DVL3: variants seen among roughly 807,000 people sequenced by gnomAD.
DVL3 encodes dishevelled segment polarity protein 3.
Under a neutral mutation model 67.4 loss-of-function variants are expected in DVL3, and 27 were observed. That is an observed-to-expected ratio of 0.40 (90% CI 0.30 to 0.55). The LOEUF (loss-of-function observed/expected upper bound fraction) is 0.55, where lower values mean the gene tolerates loss of function less well. DVL3 is among the 20% of genes least tolerant of loss of function. DVL3 has a pLI of 0.46. For synonymous variants in DVL3, 369 were observed against 396.8 expected, an observed-to-expected ratio of 0.93 and a Z score of 0.83; for missense variants, 819 against 1,021.5, an observed-to-expected ratio of 0.80 and a Z score of 2.70.
In DVL3 at chr3:184,171,450, G is replaced by C. The variant is rs1368087703; in HGVS notation, c.*695G>C. On this transcript the variant is annotated 3_prime_UTR_variant, in exon 15 of 15. Coordinates refer to ENST00000313143, the MANE Select transcript of DVL3 (RefSeq NM_004423.4). ...TACCCCTGCCCCATGCCTGCCCTGC[G>C]TGCTGGTTCCTTCAGACCCCTAACC... The C allele has an allele frequency of 1.0e-6, 1 of 987,248 alleles. No homozygotes were observed. The highest frequency in any genetic ancestry group is 1.2e-6 in the Non-Finnish European group (1 of 831,220). The allele number at this position is 987,248 out of a possible 1,614,324, so 61.2% of individuals were successfully genotyped here. A position where few individuals can be genotyped will look rare whatever the true frequency, so the allele number is the denominator to read the frequency against.
Position 184,167,046 on chromosome 3 carries a change from G to A in DVL3, c.1198+71G>A. On this transcript the variant is annotated intron_variant, in intron 11 of 14. Transcript: ENST00000313143. The surrounding 1 kb of genome is among the most constrained non-coding windows in gnomAD (Gnocchi z 4.6). ...TGGGGGGACTGATGAGGGTCCATGTGGAGACTCTTGCTTGAGCATCAGAGA... is the reference window on the plus strand; with the variant it reads ...TGGGGGGACTGATGAGGGTCCATGTAGAGACTCTTGCTTGAGCATCAGAGA... 6.4e-7 allele frequency: 1 copy of A among 1,557,152 alleles called. No individual in the cohort carries two copies. Among genetic ancestry groups the A allele is most frequent in the Admixed American group, 1.8e-5 (1 of 56,236 alleles).
chr3:184,164,606 A>C lies in DVL3; in HGVS notation c.463+5A>C. 6.4e-7 allele frequency: 1 copy of C among 1,550,872 alleles called. No homozygotes were observed. Among genetic ancestry groups the C allele is most frequent in the Non-Finnish European group, 8.7e-7 (1 of 1,147,296 alleles). ...GGAGGGATGGCCCAGAGCATGGTATATCTTCCTGAACACGGACACTGTCCG... is the reference window on the plus strand; with the variant it reads ...GGAGGGATGGCCCAGAGCATGGTATCTCTTCCTGAACACGGACACTGTCCG... On this transcript the variant is annotated splice_donor_5th_base_variant and intron_variant, in intron 4 of 14. Coordinates refer to ENST00000313143, the MANE Select transcript of DVL3 (RefSeq NM_004423.4). This position sits in a 1 kb window ranked among gnomAD's most constrained non-coding sequence, Gnocchi z 5.3.
In DVL3 at chr3:184,170,488, G is replaced by A. The variant is rs368411353; in HGVS notation, c.1884G>A (p.Ala628=). ...ERAPSERSGP[A]ASEHSHRSHH... ...CGCCCAGCGAGCGCTCAGGGCCGGC[G>A]GCCAGCGAGCACAGCCACCGCAGCC... is the stretch of plus-strand genomic sequence containing the variant. Residue 628 remains alanine, a synonymous_variant, in exon 15 of 15, where the codon GCG becomes GCA. Transcript: ENST00000313143. The surrounding 1 kb of genome is among the most constrained non-coding windows in gnomAD (Gnocchi z 6.5). 162 of 1,595,634 alleles carry A rather than the reference G, an allele frequency of 1.0e-4. No individual in the cohort carries two copies. The highest frequency in any genetic ancestry group is 1.3e-4 in the Non-Finnish European group (154 of 1,171,310).
Position 184,167,079 on chromosome 3 carries a change from A to C in DVL3, c.1198+104A>C. The C allele has an allele frequency of 7.0e-7, 1 of 1,430,728 alleles. No homozygotes were observed. Among genetic ancestry groups the C allele is most frequent in the African/African-American group, 1.4e-5 (1 of 70,826 alleles). 88.6% of individuals were successfully genotyped at this position (1,430,728 alleles called of 1,614,324 possible). A position where few individuals can be genotyped will look rare whatever the true frequency, so the allele number is the denominator to read the frequency against. On this transcript the variant is annotated intron_variant, in intron 11 of 14. Transcript: ENST00000313143. The surrounding 1 kb of genome is among the most constrained non-coding windows in gnomAD (Gnocchi z 4.6). Reference sequence around the variant, plus strand: ...TTGCTTGAGCATCAGAGAGGGCTGGAGATGGGGCTCGGCTCATTCCAGCAA... The same window carrying C: ...TTGCTTGAGCATCAGAGAGGGCTGGCGATGGGGCTCGGCTCATTCCAGCAA...
rs1409440675 is a variant in DVL3 at position 184,164,042 on chromosome 3, T to G, written c.232-225T>G. Among the ~76,000 whole-genome samples the G allele has an allele frequency of 1.3e-5, 2 of 151,978 alleles. No individual in the cohort carries two copies. Among genetic ancestry groups the G allele is most frequent in the African/African-American group, 4.8e-5 (2 of 41,358 alleles). ...TTAGACCTCTGAGCCTTGTTCTTTG[T>G]CCCCATTCCACTTCACCACCCCATG... On this transcript the variant is annotated intron_variant, in intron 2 of 14. Coordinates refer to ENST00000313143, the MANE Select transcript of DVL3 (RefSeq NM_004423.4). This position sits in a 1 kb window ranked among gnomAD's most constrained non-coding sequence, Gnocchi z 5.3.
At position 184,170,942 on chromosome 3, in the gene DVL3, C is replaced by G; in HGVS notation, c.*187C>G. ...CACCTACCGATTGGCTCTGCAGCCC[C>G]CTAACCTGCCTCTGGCCCCAGTTCG... On this transcript the variant is annotated 3_prime_UTR_variant, in exon 15 of 15. Coordinates refer to ENST00000313143, the MANE Select transcript of DVL3 (RefSeq NM_004423.4). This position sits in a 1 kb window ranked among gnomAD's most constrained non-coding sequence, Gnocchi z 6.5. 1 of 1,534,758 alleles carries G rather than the reference C, an allele frequency of 6.5e-7. No individual in the cohort carries two copies. The highest frequency in any genetic ancestry group is 8.7e-7 in the Non-Finnish European group (1 of 1,143,398).
In DVL3 at chr3:184,164,387, C is replaced by G; in HGVS notation, c.352C>G (p.His118Asp). The G allele has an allele frequency of 1.2e-6, 2 of 1,613,544 alleles. No homozygotes were observed. Among genetic ancestry groups the G allele is most frequent in the Non-Finnish European group, 1.7e-6 (2 of 1,179,690 alleles). The change falls in exon 3 of 15, where the codon CAC becomes GAC. Residue 118 changes from histidine to aspartate, a missense_variant and splice_region_variant. This residue lies in a region of DVL3 where 385 missense variants were observed against 486.8 expected (regional missense o/e 0.79). Transcript: ENST00000313143. This position sits in a 1 kb window ranked among gnomAD's most constrained non-coding sequence, Gnocchi z 5.3. ...GIGDSRPPSF[H>D]PHAGGGSQEN... ...CGGGGACTCCCGACCCCCATCCTTC[C>G]AGTGAGTGTGACCTGAGGGTGGGGA...
chr3:184,170,419 G>A lies in DVL3; in HGVS notation c.1815G>A (p.Ser605=), dbSNP rs780866357. 1.9e-6 allele frequency: 3 copies of A among 1,598,980 alleles called. No individual in the cohort carries two copies. The highest frequency in any genetic ancestry group is 2.2e-5 in the South Asian group (2 of 89,276). ...DSKSGGSGSE[S]DHTTRSSLRG... is the part of the protein sequence containing the mutation. Reference sequence around the variant, plus strand: ...AGTCCGGGGGCAGCGGCAGCGAATCGGACCACACCACACGCAGCAGCCTGC... The same window carrying A: ...AGTCCGGGGGCAGCGGCAGCGAATCAGACCACACCACACGCAGCAGCCTGC... Residue 605 remains serine, a synonymous_variant, in exon 15 of 15, where the codon TCG becomes TCA. Transcript: ENST00000313143. The surrounding 1 kb of genome is among the most constrained non-coding windows in gnomAD (Gnocchi z 6.5).
In DVL3 at chr3:184,170,116, C is replaced by T; in HGVS notation, c.1609C>T (p.Pro537Ser). 1 of 1,613,972 alleles carries T rather than the reference C, an allele frequency of 6.2e-7. No individual in the cohort carries two copies. Among genetic ancestry groups the T allele is most frequent in the Non-Finnish European group, 8.5e-7 (1 of 1,180,004 alleles). Residue 537 changes from proline to serine, a missense_variant, in exon 14 of 15, where the codon CCG (proline) becomes TCG (serine). Pro to Ser is a moderately conservative substitution (Grantham distance 74). Around this residue, in one of 3 missense-constraint regions of DVL3, gnomAD observed 324 missense variants for 331.3 expected, o/e 0.98. Transcript: ENST00000313143. The surrounding 1 kb of genome is among the most constrained non-coding windows in gnomAD (Gnocchi z 6.5). ...PGAAPWPMAF[P>S]YQYPPPPHPY... The stretch of plus-strand genomic sequence containing the variant: ...GGCCGCCCCTTGGCCCATGGCTTTC[C>T]CGTACCAGTACCCGCCACCCCCGCA...
chr3:184,166,381 C>T lies in DVL3; in HGVS notation c.904-65C>T, dbSNP rs776395430. On this transcript the variant is annotated intron_variant, in intron 8 of 14. Coordinates refer to ENST00000313143, the MANE Select transcript of DVL3 (RefSeq NM_004423.4). The surrounding 1 kb of genome is among the most constrained non-coding windows in gnomAD (Gnocchi z 6.7). ...GTTGGGGGAAGACTCCCTGACCTAC[C>T]AAGTTGAGTTCCCTTTTCATCCTCC... is the stretch of plus-strand genomic sequence containing the variant. 103 of 1,610,912 alleles carry T rather than the reference C, an allele frequency of 6.4e-5. 1 individual carries two copies. The highest frequency in any genetic ancestry group is 3.3e-4 in the Middle Eastern group (2 of 6,074).
Position 184,163,690 on chromosome 3 carries a change from C to T in DVL3, c.195C>T (p.Ala65=). 1 of 1,613,912 alleles carries T rather than the reference C, an allele frequency of 6.2e-7. No homozygotes were observed. The highest frequency in any genetic ancestry group is 8.5e-7 in the Non-Finnish European group (1 of 1,179,976). ...AGGAGGAGATCTCGGATGACAATGC[C>T]AAGCTACCATGCTTCAATGGCCGGG... is the stretch of plus-strand genomic sequence containing the variant. ...VVKEEISDDN[A]KLPCFNGRVV... Residue 65 remains alanine (A), a synonymous_variant, in exon 2 of 15, where the codon GCC becomes GCT. Transcript: ENST00000313143. The surrounding 1 kb of genome is among the most constrained non-coding windows in gnomAD (Gnocchi z 4.5).
chr3:184,157,936 A>G (rs149938748), intron 1 of DVL3, among the ~76,000 whole-genome samples: 14 of 152,358 alleles, frequency 9.2e-5, no homozygotes, highest in Admixed American at 7.8e-4. Flanking sequence ...CACGCCTTTT[A>G]TGCTTAGTGT....
intron 13 of DVL3, among the ~76,000 whole-genome samples, chr3:184,169,266 T>C (rs1394855883): frequency 6.6e-6 from 1 of 152,276 alleles, no homozygotes; most frequent in Non-Finnish European, 1.5e-5. Flanking sequence ...TAGTTTAGGC[T>C]GAGCTGAAGG....
chr3:184,164,922 C>G lies in DVL3; in HGVS notation c.590C>G (p.Ser197Cys). The G allele has an allele frequency of 6.2e-7, 1 of 1,614,174 alleles. No homozygotes were observed. Among genetic ancestry groups the G allele is most frequent in the Non-Finnish European group, 8.5e-7 (1 of 1,180,030 alleles). ...TTCTTTGACTCAGATGAGGATGACT[C>G]CACCAGCAGGTGGGGCTTGAGTTTC... ...TSFFDSDEDDSTSRFSSSTEQ... is the reference protein window; with the variant it reads ...TSFFDSDEDDCTSRFSSSTEQ... Residue 197 changes from serine to cysteine, a missense_variant, in exon 5 of 15, where the codon TCC becomes TGC. Physicochemically the swap from Ser to Cys is moderately radical, Grantham distance 112 (BLOSUM62 -1). Around this residue, in one of 3 missense-constraint regions of DVL3, gnomAD observed 385 missense variants for 486.8 expected, o/e 0.79. Coordinates refer to ENST00000313143, the MANE Select transcript of DVL3 (RefSeq NM_004423.4). This position sits in a 1 kb window ranked among gnomAD's most constrained non-coding sequence, Gnocchi z 5.3.
In DVL3 at chr3:184,173,357, C is replaced by T. The variant is rs1047836374; in HGVS notation, c.*2602C>T. ...TTTGGCCCTCCCTCTCCCCTCTCTA[C>T]TTTAATTCATTGGAGCATGGGATTT... On this transcript the variant is annotated 3_prime_UTR_variant, in exon 15 of 15. Transcript: ENST00000313143. 2 of 152,244 alleles carry T rather than the reference C, an allele frequency of 1.3e-5. No homozygotes were observed. Among genetic ancestry groups the T allele is most frequent in the Middle Eastern group, 3.2e-3 (1 of 314 alleles). 9.4% of individuals were successfully genotyped at this position (152,244 alleles called of 1,614,324 possible).
Position 184,155,893 on chromosome 3 carries a change from C to G in DVL3, c.161+97C>G. 2.1e-6 allele frequency: 3 copies of G among 1,432,048 alleles called. No homozygotes were observed. The highest frequency in any genetic ancestry group is 1.9e-6 in the Non-Finnish European group (2 of 1,063,414). The allele number at this position is 1,432,048 out of a possible 1,614,324, so 88.7% of individuals were successfully genotyped here. A position where few individuals can be genotyped will look rare whatever the true frequency, so the allele number is the denominator to read the frequency against. ...TCGACTTGCCTCGCTACACCGGCTCCTAGCCCCGCTCTGACTTCTAGGGGC... is the reference window on the plus strand; with the variant it reads ...TCGACTTGCCTCGCTACACCGGCTCGTAGCCCCGCTCTGACTTCTAGGGGC... On this transcript the variant is annotated intron_variant, in intron 1 of 14. Transcript: ENST00000313143. The surrounding 1 kb of genome is among the most constrained non-coding windows in gnomAD (Gnocchi z 5.4).
rs1714592176 is a variant in DVL3 at position 184,166,424 on chromosome 3, C to T, written c.904-22C>T. 1 of 1,613,862 alleles carries T rather than the reference C, an allele frequency of 6.2e-7. No individual in the cohort carries two copies. The highest frequency in any genetic ancestry group is 8.5e-7 in the Non-Finnish European group (1 of 1,179,872). On this transcript the variant is annotated intron_variant, in intron 8 of 14. Coordinates refer to ENST00000313143, the MANE Select transcript of DVL3 (RefSeq NM_004423.4). The surrounding 1 kb of genome is among the most constrained non-coding windows in gnomAD (Gnocchi z 6.7). ...CATCCTCCCCAGCACAGCTGTTTAT[C>T]CCACTCCTGGTCCTTTCCCAGGTAA...
Position 184,173,245 on chromosome 3 carries a change from A to G in DVL3, c.*2490A>G, listed in dbSNP as rs186634340. On this transcript the variant is annotated 3_prime_UTR_variant, in exon 15 of 15. Transcript: ENST00000313143. ...TCATCACAATCTACATAGGCTCACC[A>G]GCTAGAAACATTTATGAGCTTACAT... is the stretch of plus-strand genomic sequence containing the variant. 1 of 152,348 alleles carries G rather than the reference A, an allele frequency of 6.6e-6. No homozygotes were observed. Among genetic ancestry groups the G allele is most frequent in the East Asian group, 1.9e-4 (1 of 5,186 alleles). The allele number at this position is 152,348 out of a possible 1,614,324, so 9.4% of individuals were successfully genotyped here.
In DVL3 at chr3:184,166,481, C is replaced by T. The variant is rs753087422; in HGVS notation, c.939C>T (p.Asp313=). 2.7e-5 allele frequency: 43 copies of T among 1,614,102 alleles called. No individual in the cohort carries two copies. The highest frequency in any genetic ancestry group is 3.4e-5 in the Non-Finnish European group (40 of 1,180,024). The change falls in exon 9 of 15, where the codon GAC becomes GAT. Residue 313 remains aspartate, a synonymous_variant. Coordinates refer to ENST00000313143, the MANE Select transcript of DVL3 (RefSeq NM_004423.4). This position sits in a 1 kb window ranked among gnomAD's most constrained non-coding sequence, Gnocchi z 6.7. ...NEINFENMSN[D]DAVRVLREIV... ...TCAACTTTGAGAACATGAGTAATGACGATGCAGTCCGGGTACTGCGGGAGA... is the reference window on the plus strand; with the variant it reads ...TCAACTTTGAGAACATGAGTAATGATGATGCAGTCCGGGTACTGCGGGAGA...
Sources: gnomAD v4.1 joint callset for allele counts (sites outside exome capture counted in the v4.1 genomes callset) on GRCh38, gnomAD v4.1.1 for gene constraint, gnomAD v4.1.1 regional missense constraint, Gnocchi (gnomAD v3.1) non-coding constraint, MANE v1.5 for transcripts, NCBI Gene and HGNC (gene_info 2026-07-23, HGNC 2026-07-21) for gene names.